RFX2: variants seen among roughly 807,000 people sequenced by gnomAD.
RFX2 encodes the protein DNA-binding protein RFX2.
Under a neutral mutation model 87.8 loss-of-function variants are expected in RFX2, and 20 were observed. The ratio of observed to expected loss-of-function variants is 0.23; its 90% CI spans 0.16 to 0.33. The LOEUF (loss-of-function observed/expected upper bound fraction) is 0.33, where lower values mean the gene tolerates loss of function less well. RFX2 is among the 10% of genes least tolerant of loss of function. The pLI is 1.00. For synonymous variants in RFX2, 397 were observed against 431.3 expected (o/e 0.92, Z 0.98); for missense variants, 767 against 1,012.3 (o/e 0.76, Z 3.29).
In RFX2 at chr19:6,101,580, G is replaced by A. The variant is rs2088127932; in HGVS notation, c.-9+8813C>T. Among the ~76,000 whole-genome samples the A allele has an allele frequency of 6.6e-6, 1 of 152,222 alleles. No individual in the cohort carries two copies. Among genetic ancestry groups the A allele is most frequent in the South Asian group, 2.1e-4 (1 of 4,834 alleles). ...TGCATTTTTAAAAAAGTATAATTAA[G>A]TGCTGTTGCAGCTTTAGGAATGGAC... On this transcript the variant is annotated intron_variant, in intron 1 of 17. Coordinates refer to ENST00000303657, the MANE Select transcript of RFX2 (RefSeq NM_000635.4). The surrounding 1 kb of genome is among the most constrained non-coding windows in gnomAD (Gnocchi z 4.9).
At position 6,011,737 on chromosome 19, in the gene RFX2, G is replaced by A. The variant is rs892347745; in HGVS notation, c.899+1249C>T. Among the ~76,000 whole-genome samples the A allele has an allele frequency of 2.0e-5, 3 of 152,242 alleles. No homozygotes were observed. Among genetic ancestry groups the A allele is most frequent in the African/African-American group, 7.2e-5 (3 of 41,462 alleles). ...CCTGGGAGTGGCTGTGTGGTCAGGA[G>A]TCAATGGGTTACGCAGAGCAGCTGG... On this transcript the variant is annotated intron_variant, in intron 8 of 17. Transcript: ENST00000303657. The surrounding 1 kb of genome is among the most constrained non-coding windows in gnomAD (Gnocchi z 4.8).
At chr19:6,073,961 C>T (rs1236665533) in intron 1 of RFX2, among the ~76,000 whole-genome samples, 1 of 152,182 alleles carries the variant, frequency 6.6e-6, no homozygotes, top group East Asian at 1.9e-4. Flanking sequence ...AAGTGTGTGT[C>T]TCGTCCTCAC....
chr19:6,075,020 A>G (rs2087669702), intron 1 of RFX2, among the ~76,000 whole-genome samples: 1 of 152,106 alleles, frequency 6.6e-6, no homozygotes, highest in Non-Finnish European at 1.5e-5. Flanking sequence ...AAGGGACCCC[A>G]GAGAGCTCTC....
rs2087348690 is a variant in RFX2, at chr19:6,056,750, G to A, written c.-8-9246C>T. 6.6e-6 allele frequency among the ~76,000 whole-genome samples: 1 copy of A among 152,166 alleles called. No homozygotes were observed. Among genetic ancestry groups the A allele is most frequent in the South Asian group, 2.1e-4 (1 of 4,828 alleles). ...ACTGCCCTGCCGTCCTTGCTTTCTCGCGTTCCTTTGTCCTCTCTTCTGTTT... is the reference window on the plus strand; with the variant it reads ...ACTGCCCTGCCGTCCTTGCTTTCTCACGTTCCTTTGTCCTCTCTTCTGTTT... On this transcript the variant is annotated intron_variant, in intron 1 of 17. Transcript: ENST00000303657. This position sits in a 1 kb window ranked among gnomAD's most constrained non-coding sequence, Gnocchi z 4.6.
At chr19:6,108,837 G>A (rs533273616) in intron 1 of RFX2, among the ~76,000 whole-genome samples, 1 of 152,190 alleles carries the variant, frequency 6.6e-6, no homozygotes, top group African/African-American at 2.4e-5. Flanking sequence ...AGAATGGCCC[G>A]GGCGCTTGGG....
At position 6,002,194 on chromosome 19, in the gene RFX2, G is replaced by C. The variant is rs894599274; in HGVS notation, c.1651-171C>G. Among the ~76,000 whole-genome samples, 2 of 152,274 alleles carry C rather than the reference G, an allele frequency of 1.3e-5. No homozygotes were observed. Among genetic ancestry groups the C allele is most frequent in the African/African-American group, 4.8e-5 (2 of 41,478 alleles). ...TGTCTCCCGTCACAGGGGCAGAATAGAGAGCTGAGGGGGATCGTACCCGGC... is the reference window on the plus strand; with the variant it reads ...TGTCTCCCGTCACAGGGGCAGAATACAGAGCTGAGGGGGATCGTACCCGGC... On this transcript the variant is annotated intron_variant, in intron 14 of 17. Coordinates refer to ENST00000303657, the MANE Select transcript of RFX2 (RefSeq NM_000635.4). The surrounding 1 kb of genome is among the most constrained non-coding windows in gnomAD (Gnocchi z 6.7).
rs1599835700 is a variant in RFX2, at chr19:5,999,077, A to G, written c.1860-1864T>C. 6.6e-6 allele frequency among the ~76,000 whole-genome samples: 1 copy of G among 152,084 alleles called. No homozygotes were observed. The stretch of plus-strand genomic sequence containing the variant: ...TTGAGAGCAGCCCGGCCAACATGGC[A>G]AAACCCCGTCTCTACTAAAAATACA... On this transcript the variant is annotated intron_variant, in intron 15 of 17. Coordinates refer to ENST00000303657, the MANE Select transcript of RFX2 (RefSeq NM_000635.4). This position sits in a 1 kb window ranked among gnomAD's most constrained non-coding sequence, Gnocchi z 4.1.
chr19:6,047,122 A>C lies in RFX2; in HGVS notation c.90+285T>G, dbSNP rs1490581605. Reference sequence around the variant, plus strand: ...TGTAAAAGGGTCATTTCCAAGTACAAGAAAACCTCCACTGAAAGCTAAGAA... The same window carrying C: ...TGTAAAAGGGTCATTTCCAAGTACACGAAAACCTCCACTGAAAGCTAAGAA... On this transcript the variant is annotated intron_variant, in intron 2 of 17. Coordinates refer to ENST00000303657, the MANE Select transcript of RFX2 (RefSeq NM_000635.4). The surrounding 1 kb of genome is among the most constrained non-coding windows in gnomAD (Gnocchi z 4.2). 6.6e-6 allele frequency among the ~76,000 whole-genome samples: 1 copy of C among 152,188 alleles called. No individual in the cohort carries two copies. Among genetic ancestry groups the C allele is most frequent in the African/African-American group, 2.4e-5 (1 of 41,440 alleles).
Position 5,994,784 on chromosome 19 carries a change from A to C in RFX2, c.*51T>G. ...GAGCCGGTGAAATCCAGGTTCCCAG[A>C]GTGACCAGGCGGCATCTTTTGGAAC... On this transcript the variant is annotated 3_prime_UTR_variant, in exon 18 of 18. Coordinates refer to ENST00000303657, the MANE Select transcript of RFX2 (RefSeq NM_000635.4). The C allele has an allele frequency of 8.2e-7, 1 of 1,225,302 alleles. No homozygotes were observed. The highest frequency in any genetic ancestry group is 1.2e-6 in the Non-Finnish European group (1 of 845,518). 75.9% of individuals were successfully genotyped at this position (1,225,302 alleles called of 1,614,324 possible).
Position 6,017,800 on chromosome 19 carries a change from C to T in RFX2, c.598-1529G>A, listed in dbSNP as rs991979669. On this transcript the variant is annotated intron_variant, in intron 6 of 17. Coordinates refer to ENST00000303657, the MANE Select transcript of RFX2 (RefSeq NM_000635.4). The surrounding 1 kb of genome is among the most constrained non-coding windows in gnomAD (Gnocchi z 4.1). ...CTGGGAAGCCCTTGTCCCTGTGCCC[C>T]GCACACCCCACAAGACACAAAGTAG... 5.9e-5 allele frequency among the ~76,000 whole-genome samples: 9 copies of T among 151,968 alleles called. No individual in the cohort carries two copies. Among genetic ancestry groups the T allele is most frequent in the Non-Finnish European group, 1.3e-4 (9 of 68,012 alleles).
Position 5,994,696 on chromosome 19 carries a change from C to T in RFX2, c.*139G>A. 1 of 626,074 alleles carries T rather than the reference C, an allele frequency of 1.6e-6. No individual in the cohort carries two copies. The highest frequency in any genetic ancestry group is 2.7e-5 in the Admixed American group (1 of 37,036). The allele number at this position is 626,074 out of a possible 1,614,324, so 38.8% of individuals were successfully genotyped here. A position where few individuals can be genotyped will look rare whatever the true frequency, so the allele number is the denominator to read the frequency against. Reference sequence around the variant, plus strand: ...AACTGCTTTCCTTCTTGAACACTGACCCCGGGAGCCCCCGCTTGAGTCAAA... The same window carrying T: ...AACTGCTTTCCTTCTTGAACACTGATCCCGGGAGCCCCCGCTTGAGTCAAA... On this transcript the variant is annotated 3_prime_UTR_variant, in exon 18 of 18. Coordinates refer to ENST00000303657, the MANE Select transcript of RFX2 (RefSeq NM_000635.4).
intron 1 of RFX2, among the ~76,000 whole-genome samples, chr19:6,090,692 C>T (rs549079790): frequency 6.6e-6 from 1 of 152,162 alleles, no homozygotes; most frequent in Non-Finnish European, 1.5e-5. Flanking sequence ...AGCTATATGT[C>T]CAGGCAAAAG....
At chr19:6,028,656 A>G (rs1280139968) in intron 5 of RFX2, among the ~76,000 whole-genome samples, 1 of 152,170 alleles carries the variant, frequency 6.6e-6, no homozygotes, top group African/African-American at 2.4e-5. Flanking sequence ...CGACTTTATC[A>G]GAACTCTGGA....
chr19:6,025,411 C>T (rs910134191), intron 6 of RFX2, among the ~76,000 whole-genome samples: 1 of 152,176 alleles, frequency 6.6e-6, no homozygotes, highest in Non-Finnish European at 1.5e-5. Context: ...TCTCAAATTA[C>T]TGTTTCTTTC....
intron 1 of RFX2, among the ~76,000 whole-genome samples, chr19:6,092,608 G>C (rs969073635): frequency 6.6e-6 from 1 of 152,166 alleles, no homozygotes; most frequent in African/African-American, 2.4e-5. Context: ...GCCTCCCCAA[G>C]AGGCACACGC....
chr19:6,042,829 A>T (rs2087130225), intron 3 of RFX2, among the ~76,000 whole-genome samples: 1 of 152,230 alleles, frequency 6.6e-6, no homozygotes, highest in African/African-American at 2.4e-5. Context: ...CGAGCAGTGG[A>T]AGCCAAACGC....
At chr19:6,041,209 C>T (rs6510871) in intron 4 of RFX2, among the ~76,000 whole-genome samples, 8,754 of 152,006 alleles carry the variant, frequency 0.058, 845 homozygotes, top group African/African-American at 0.2. Flanking sequence ...GGGTGTGCAC[C>T]GCCACAGTAG....
Position 6,045,884 on chromosome 19 carries a change from A to G in RFX2, c.90+1523T>C, listed in dbSNP as rs563176059. On this transcript the variant is annotated intron_variant, in intron 2 of 17. Coordinates refer to ENST00000303657, the MANE Select transcript of RFX2 (RefSeq NM_000635.4). The surrounding 1 kb of genome is among the most constrained non-coding windows in gnomAD (Gnocchi z 5.2). ...TTGTATTTAGTAGACACAGGGTTTC[A>G]CCATGTTACTCAGACTGGTCTCAAA... Among the ~76,000 whole-genome samples, 1 of 152,144 alleles carries G rather than the reference A, an allele frequency of 6.6e-6. No individual in the cohort carries two copies. The highest frequency in any genetic ancestry group is 2.1e-4 in the South Asian group (1 of 4,802).
rs957289489 is a variant in RFX2, at chr19:6,110,088, G to C, written c.-9+305C>G. Among the ~76,000 whole-genome samples the C allele has an allele frequency of 6.6e-6, 1 of 152,092 alleles. No homozygotes were observed. The highest frequency in any genetic ancestry group is 1.5e-5 in the Non-Finnish European group (1 of 67,992). Reference sequence around the variant, plus strand: ...GGGGCGCCCCCAACTCAGCGAGTTTGAAGGTAAGCGTGAGAAAGGGGTCCC... The same window carrying C: ...GGGGCGCCCCCAACTCAGCGAGTTTCAAGGTAAGCGTGAGAAAGGGGTCCC... On this transcript the variant is annotated intron_variant, in intron 1 of 17. Coordinates refer to ENST00000303657, the MANE Select transcript of RFX2 (RefSeq NM_000635.4). The surrounding 1 kb of genome is among the most constrained non-coding windows in gnomAD (Gnocchi z 4.3).
Sources: gnomAD v4.1 joint callset for allele counts (sites outside exome capture counted in the v4.1 genomes callset) on GRCh38, gnomAD v4.1.1 for gene constraint, Gnocchi (gnomAD v3.1) non-coding constraint, MANE v1.5 for transcripts, NCBI Gene and HGNC (gene_info 2026-07-23, HGNC 2026-07-21) for gene names.